Variants in HBS1L observed in about 807,000 individuals in gnomAD.
The protein encoded by HBS1L is HBS1 like translational GTPase.
Under a neutral mutation model 88.9 loss-of-function variants are expected in HBS1L, and 55 were observed. That is an observed-to-expected ratio of 0.62 (90% CI 0.50 to 0.77). The LOEUF is 0.77. Among genes scored for constraint, HBS1L ranks in the 30% least tolerant of loss-of-function variants. The probability of loss-of-function intolerance (pLI) is 0.00; values close to 1 mark genes in which losing one functional copy is unlikely to be tolerated. For synonymous variants in HBS1L, 267 were observed against 288.5 expected (o/e 0.93, Z 0.76); for missense variants, 741 against 829.3 (o/e 0.89, Z 1.31).
chr6:135,014,928 G>A (rs775703220), intron 4 of HBS1L, among the ~76,000 whole-genome samples: 1 of 151,688 alleles, frequency 6.6e-6, no homozygotes, highest in Non-Finnish European at 1.5e-5. Flanking sequence ...CTAGGTACTC[G>A]GGAGGCTGAG....
chr6:135,012,129 CTG>C (rs1387212955), intron 4 of HBS1L, among the ~76,000 whole-genome samples: 1 of 151,942 alleles, frequency 6.6e-6, no homozygotes, highest in African/African-American at 2.4e-5. Context: ...ATATTGTTCA[CTG>C]TGTTACCATA....
At chr6:135,037,186 G>C in intron 4 of HBS1L, 5 of 1,551,734 alleles carry the variant, frequency 3.2e-6, no homozygotes, top group Non-Finnish European at 4.4e-6. Context: ...TCCGGGTGAA[G>C]ACTGACAGCG....
At position 134,963,098 on chromosome 6, in the gene HBS1L, T is replaced by C. The variant is rs1195391712; in HGVS notation, c.*2181A>G. 6.6e-6 allele frequency: 1 copy of C among 152,190 alleles called. No homozygotes were observed. Among genetic ancestry groups the C allele is most frequent in the African/African-American group, 2.4e-5 (1 of 41,446 alleles). 9.4% of individuals were successfully genotyped at this position (152,190 alleles called of 1,614,324 possible). ...AATTCGATCACAGTCTTATATAATA[T>C]ACAGAGTGGATGGTTTCTTGTTTTT... On this transcript the variant is annotated 3_prime_UTR_variant, in exon 18 of 18. Transcript: ENST00000367837.
At chr6:135,014,021 C>T (rs1775846872) in intron 4 of HBS1L, among the ~76,000 whole-genome samples, 1 of 151,934 alleles carries the variant, frequency 6.6e-6, no homozygotes, top group Admixed American at 6.6e-5. Flanking sequence ...GAGGGGGGTA[C>T]CAGAGCCGAA....
chr6:135,040,273 G>A (rs141211339), intron 3 of HBS1L, among the ~76,000 whole-genome samples: 151 of 151,320 alleles, frequency 1.0e-3, no homozygotes, highest in South Asian at 1.9e-3. Context: ...TTTAAAAAAC[G>A]GCAAGATAAC....
intron 11 of HBS1L, 88 bp from the exon 12 acceptor site, chr6:134,985,497 C>T: frequency 1.3e-6 from 1 of 749,862 alleles, no homozygotes; most frequent in East Asian, 2.6e-5. Flanking sequence ...TCCCACTTCT[C>T]CTAGAAAATA....
rs780768828 is a variant in HBS1L, at chr6:134,987,604, A to G, written c.1230+41T>C. 6 of 1,502,240 alleles carry G rather than the reference A, an allele frequency of 4.0e-6. No individual in the cohort carries two copies. The Admixed American group carries it at 9.8e-5, about 25-fold the overall frequency. 93.1% of individuals were successfully genotyped at this position (1,502,240 alleles called of 1,614,324 possible). ...ATCTATACAAGCAGAATAACATCTT[A>G]ATTAGCATCTTAAACAAATCTCCAC... On this transcript the variant is annotated intron_variant, in intron 9 of 17. Coordinates refer to ENST00000367837, the MANE Select transcript of HBS1L (RefSeq NM_006620.4).
chr6:135,046,225 C>T (rs1374731058), intron 2 of HBS1L, among the ~76,000 whole-genome samples: 1 of 142,754 alleles, frequency 7.0e-6, no homozygotes, highest in African/African-American at 2.5e-5. Context: ...TTCTAGAAGC[C>T]TTCCCAGACT....
intron 4 of HBS1L, among the ~76,000 whole-genome samples, chr6:135,031,368 T>C (rs1776379222): frequency 1.3e-5 from 2 of 152,240 alleles, no homozygotes; most frequent in South Asian, 4.1e-4. Context: ...TCAGTGTTCG[T>C]AGTGACTATA....
chr6:134,989,556 T>C (rs1775073462), intron 8 of HBS1L, among the ~76,000 whole-genome samples: 2 of 152,186 alleles, frequency 1.3e-5, no homozygotes, highest in Non-Finnish European at 2.9e-5. Flanking sequence ...ATATAATATA[T>C]AATCCTCACC....
At chr6:135,037,598 T>C (rs1331201403) in intron 4 of HBS1L, 26 of 1,547,954 alleles carry the variant, frequency 1.7e-5, no homozygotes, top group Admixed American at 2.0e-5. Flanking sequence ...TTTATGATTA[T>C]GGTCTTTAAA....
rs745366339 is a variant in HBS1L, at chr6:135,039,779, G to A, written c.236-12C>T. ...TGAATAAAGACGAGCTAGAAAAGAC[G>A]ACAATGGTCAAAAGCTATACTAAAT... On this transcript the variant is annotated splice_polypyrimidine_tract_variant and intron_variant, in intron 3 of 17. Transcript: ENST00000367837. 1.3e-5 allele frequency: 21 copies of A among 1,599,406 alleles called. No individual in the cohort carries two copies. Among genetic ancestry groups the A allele is most frequent in the East Asian group, 6.7e-5 (3 of 44,724 alleles).
chr6:135,031,051 T>G (rs1401832439), intron 4 of HBS1L, among the ~76,000 whole-genome samples: 1 of 152,098 alleles, frequency 6.6e-6, no homozygotes, highest in Admixed American at 6.5e-5. Context: ...TGTTGGTAAT[T>G]TTGTACTTTT....
At chr6:134,973,419 A>G (rs1255175658) in intron 15 of HBS1L, among the ~76,000 whole-genome samples, 1 of 152,258 alleles carries the variant, frequency 6.6e-6, no homozygotes, top group Non-Finnish European at 1.5e-5. Context: ...AGTAAGTAGA[A>G]GAATGGTTAT....
At chr6:135,052,886 G>C (rs1008753299) in intron 1 of HBS1L, among the ~76,000 whole-genome samples, 1 of 152,100 alleles carries the variant, frequency 6.6e-6, no homozygotes, top group African/African-American at 2.4e-5. Flanking sequence ...GGAACCAGTA[G>C]GTTTTAGAAC....
chr6:135,033,574 T>C (rs1776447519), intron 4 of HBS1L, among the ~76,000 whole-genome samples: 1 of 152,168 alleles, frequency 6.6e-6, no homozygotes, highest in Admixed American at 6.5e-5. Flanking sequence ...AAGGTATTGT[T>C]GCCTTCTCTT....
At chr6:134,981,839 T>C (rs1774840402) in intron 13 of HBS1L, among the ~76,000 whole-genome samples, 1 of 151,928 alleles carries the variant, frequency 6.6e-6, no homozygotes, top group African/African-American at 2.4e-5. Context: ...TATATATGTG[T>C]GTATATATTA....
rs1378781165 is a variant in HBS1L at position 134,965,236 on chromosome 6, G to A, written c.*43C>T. 6.8e-7 allele frequency: 1 copy of A among 1,480,958 alleles called. No homozygotes were observed. The highest frequency in any genetic ancestry group is 9.4e-7 in the Non-Finnish European group (1 of 1,061,160). The allele number at this position is 1,480,958 out of a possible 1,614,324, so 91.7% of individuals were successfully genotyped here. On this transcript the variant is annotated 3_prime_UTR_variant, in exon 18 of 18. Transcript: ENST00000367837. ...AACTGCATTCTTGAAACAGAGGTTA[G>A]CTATTTCACTGTATCCAGAAACGTG...
intron 4 of HBS1L, among the ~76,000 whole-genome samples, chr6:135,008,807 T>G (rs527728582): frequency 6.6e-6 from 1 of 152,188 alleles, no homozygotes; most frequent in Middle Eastern, 3.4e-3. Flanking sequence ...ATACTAGCTG[T>G]CAGGGGTCAG....
Sources: allele counts gnomAD v4.1 joint callset (sites outside exome capture counted in the v4.1 genomes callset), GRCh38; gene constraint gnomAD v4.1.1; transcripts MANE v1.5; gene names NCBI Gene and HGNC (gene_info 2026-07-23, HGNC 2026-07-21).